The following RLF variants were observed in gnomAD, a reference collection of about 807,000 sequenced individuals.
RLF encodes RLF zinc finger.
A neutral mutation model predicts 162.9 loss-of-function variants in RLF; 7 were observed. That is an observed-to-expected ratio of 0.04 (90% CI 0.02 to 0.08). RLF has a LOEUF of 0.08. Among genes scored for constraint, RLF ranks in the 10% least tolerant of loss-of-function variants. RLF has a pLI of 1.00. For synonymous variants in RLF, 782 were observed against 791.5 expected, an observed-to-expected ratio of 0.99 and a Z score of 0.20; for missense variants, 1,664 against 2,244.7, an observed-to-expected ratio of 0.74 and a Z score of 5.23.
chr1:40,181,396 C>G (rs1428361669), intron 1 of RLF, among the ~76,000 whole-genome samples: 1 of 152,154 alleles, frequency 6.6e-6, no homozygotes. Context: ...CACCACCGCA[C>G]TCCAGCCTGG....
At chr1:40,172,732 C>T (rs1642262344) in intron 1 of RLF, among the ~76,000 whole-genome samples, 1 of 152,164 alleles carries the variant, frequency 6.6e-6, no homozygotes, top group African/African-American at 2.4e-5. Flanking sequence ...CGTCACTGCA[C>T]TCTATCCTGG....
chr1:40,203,136 A>G (rs149486868), intron 5 of RLF, among the ~76,000 whole-genome samples: 6,224 of 130,520 alleles, frequency 0.048, 463 homozygotes, highest in African/African-American at 0.17. Flanking sequence ...TTTTTTTGAG[A>G]CAAGGTCTTG....
chr1:40,174,861 G>T (rs1642298254), intron 1 of RLF, among the ~76,000 whole-genome samples: 1 of 152,024 alleles, frequency 6.6e-6, no homozygotes, highest in Admixed American at 6.6e-5. Flanking sequence ...TTTCTTCATA[G>T]TGAAATCTTG....
At chr1:40,194,765 A>T (rs1642606728) in intron 3 of RLF, among the ~76,000 whole-genome samples, 2 of 152,144 alleles carry the variant, frequency 1.3e-5, no homozygotes, top group South Asian at 4.2e-4. Flanking sequence ...GAATTCAGGA[A>T]AACGTTTTAA....
chr1:40,220,186 C>A (rs1642973969), intron 5 of RLF, among the ~76,000 whole-genome samples: 1 of 152,120 alleles, frequency 6.6e-6, no homozygotes, highest in African/African-American at 2.4e-5. Flanking sequence ...CAAGATCACG[C>A]CACTGCAGTC....
At chr1:40,211,939 C>G (rs886477245) in intron 5 of RLF, among the ~76,000 whole-genome samples, 2 of 152,328 alleles carry the variant, frequency 1.3e-5, no homozygotes, top group Non-Finnish European at 2.9e-5. Context: ...ACTAGTCAGT[C>G]TCTTATCCTA....
At chr1:40,216,354 G>GT (rs1642923861) in intron 5 of RLF, among the ~76,000 whole-genome samples, 1 of 152,092 alleles carries the variant, frequency 6.6e-6, no homozygotes. Flanking sequence ...TGGGCGTGGT[G>GT]GCACACACCT....
At chr1:40,223,852 T>C (rs1643027840) in intron 6 of RLF, among the ~76,000 whole-genome samples, 1 of 152,264 alleles carries the variant, frequency 6.6e-6, no homozygotes, top group African/African-American at 2.4e-5. Flanking sequence ...TTTAGACTTC[T>C]AATCCAGTGC....
chr1:40,168,215 A>G (rs2124523421), intron 1 of RLF, among the ~76,000 whole-genome samples: 1 of 152,142 alleles, frequency 6.6e-6, no homozygotes, highest in South Asian at 2.1e-4. Flanking sequence ...ACCTTGTCTC[A>G]ATAAATAAAT....
chr1:40,174,979 C>T (rs1642299998), intron 1 of RLF, among the ~76,000 whole-genome samples: 1 of 152,038 alleles, frequency 6.6e-6, no homozygotes, highest in Admixed American at 6.6e-5. Context: ...GCGGGAGGAT[C>T]TCTTGAAGCC....
intron 1 of RLF, among the ~76,000 whole-genome samples, chr1:40,181,261 C>G (rs1642401499): frequency 6.6e-6 from 1 of 152,092 alleles, no homozygotes; most frequent in Admixed American, 6.6e-5. Flanking sequence ...GAAACCCCAT[C>G]TCTACTAAAA....
intron 1 of RLF, among the ~76,000 whole-genome samples, chr1:40,170,251 T>C (rs1642224301): frequency 6.6e-6 from 1 of 152,106 alleles, no homozygotes; most frequent in Admixed American, 6.5e-5. Flanking sequence ...TGAGCTTTTT[T>C]TTGTTTTTTG....
chr1:40,236,478 G>T lies in RLF; in HGVS notation c.1776G>T (p.Lys592Asn). Reference protein sequence around the residue: ...YTCPVCIKKFKRKEMFVPHVM... With the variant: ...YTCPVCIKKFNRKEMFVPHVM... ...GTCCAGTTTGTATTAAAAAATTTAA[G>T]AGAAAAGAAATGTTTGTTCCTCATG... Residue 592 changes from lysine to asparagine, a missense_variant, in exon 8 of 8, where the codon AAG (lysine) becomes AAT (asparagine). Around this residue, in one of 15 missense-constraint regions of RLF, gnomAD observed 31 missense variants for 80.5 expected, o/e 0.39. Coordinates refer to ENST00000372771, the MANE Select transcript of RLF (RefSeq NM_012421.4). This position sits in a 1 kb window ranked among gnomAD's most constrained non-coding sequence, Gnocchi z 7.7. The T allele has an allele frequency of 6.2e-7, 1 of 1,613,694 alleles. No homozygotes were observed. The highest frequency in any genetic ancestry group is 8.5e-7 in the Non-Finnish European group (1 of 1,179,890).
chr1:40,219,949 G>C (rs1370911701), intron 5 of RLF, among the ~76,000 whole-genome samples: 2 of 152,160 alleles, frequency 1.3e-5, no homozygotes, highest in Non-Finnish European at 2.9e-5. Context: ...AATGATAATA[G>C]AAAAACAGAA....
intron 5 of RLF, among the ~76,000 whole-genome samples, chr1:40,211,769 G>A (rs932782751): frequency 6.6e-5 from 10 of 151,712 alleles, no homozygotes; most frequent in African/African-American, 1.2e-4. Flanking sequence ...TTACGGGCAC[G>A]TGCCACCACG....
intron 5 of RLF, 105 bp from the exon 6 acceptor site, chr1:40,222,469 A>G: frequency 1.0e-6 from 1 of 1,001,524 alleles, no homozygotes; most frequent in Non-Finnish European, 1.5e-6. Flanking sequence ...GCAGGAGAAA[A>G]TTATGTCTCT....
chr1:40,205,292 C>T (rs769054442), intron 5 of RLF, among the ~76,000 whole-genome samples: 1 of 151,966 alleles, frequency 6.6e-6, no homozygotes, highest in South Asian at 2.1e-4. Context: ...GCTGAGATCA[C>T]GCCACTGCAC....
At position 40,240,485 on chromosome 1, in the gene RLF, C is replaced by A; in HGVS notation, c.*38C>A. On this transcript the variant is annotated 3_prime_UTR_variant, in exon 8 of 8. Coordinates refer to ENST00000372771, the MANE Select transcript of RLF (RefSeq NM_012421.4). ...TTTTAGTAACAGACTGGCTCCAACA[C>A]TGCAACATGGGGACATTTGCCAACT... 1 of 1,445,106 alleles carries A rather than the reference C, an allele frequency of 6.9e-7. No individual in the cohort carries two copies. Among genetic ancestry groups the A allele is most frequent in the South Asian group, 1.2e-5 (1 of 80,832 alleles). 89.5% of individuals were successfully genotyped at this position (1,445,106 alleles called of 1,614,324 possible). A position where few individuals can be genotyped will look rare whatever the true frequency, so the allele number is the denominator to read the frequency against.
chr1:40,222,203 C>T lies in RLF; in HGVS notation c.811-371C>T, dbSNP rs576045699. Among the ~76,000 whole-genome samples, 7 of 151,498 alleles carry T rather than the reference C, an allele frequency of 4.6e-5. No homozygotes were observed. The East Asian group carries it at 1.4e-3, about 29-fold the overall frequency. On this transcript the variant is annotated intron_variant, in intron 5 of 7. Transcript: ENST00000372771. ...TTTTACTATCTGTAACCAGAGTGAC[C>T]CAGCTGTGGTCATAGATACTAGGGG...
Sources: gnomAD v4.1 joint callset for allele counts (sites outside exome capture counted in the v4.1 genomes callset) on GRCh38, gnomAD v4.1.1 for gene constraint, gnomAD v4.1.1 regional missense constraint, Gnocchi (gnomAD v3.1) non-coding constraint, MANE v1.5 for transcripts, NCBI Gene and HGNC (gene_info 2026-07-23, HGNC 2026-07-21) for gene names.